The following DMD variants were observed in gnomAD, a reference collection of about 807,000 sequenced individuals.
The protein encoded by DMD is mutant dystrophin.
DMD carries 63 observed loss-of-function variants against 330.1 expected under a neutral mutation model. The observed-to-expected ratio is 0.19, with a 90% CI of 0.16 to 0.24. The LOEUF is 0.24. Among genes scored for constraint, DMD ranks in the 10% least tolerant of loss-of-function variants. DMD has a pLI of 1.00. For synonymous variants in DMD, 1,223 were observed against 959.8 expected (o/e 1.27, Z -5.07); for missense variants, 3,344 against 2,684.1 (o/e 1.25, Z -5.43).
chrX:32,050,974 C>CCTTTTTTTTTTTTT (rs2096107980), intron 44 of DMD, among the ~76,000 whole-genome samples: 1 of 78,157 alleles, frequency 1.3e-5, no homozygotes, highest in Non-Finnish European at 2.3e-5. Context: ...CTAACTTCCT[C>CCTTTTTTTTTTTTT]TTTTTTTTTT....
At chrX:31,370,729 C>A (rs1396598551) in intron 60 of DMD, among the ~76,000 whole-genome samples, 1 of 112,315 alleles carries the variant, frequency 8.9e-6, no homozygotes, top group Non-Finnish European at 1.9e-5. Flanking sequence ...AAAACCTGTA[C>A]ATTAATGTTG....
At chrX:32,993,710 G>A (rs770370726) in intron 2 of DMD, among the ~76,000 whole-genome samples, 1 of 111,056 alleles carries the variant, frequency 9.0e-6, no homozygotes, top group South Asian at 3.8e-4. Context: ...ATTTCTGCAT[G>A]TGTCTGTGTG....
intron 2 of DMD, among the ~76,000 whole-genome samples, chrX:32,867,511 A>G (rs1312261353): frequency 3.6e-5 from 4 of 112,418 alleles, no homozygotes; most frequent in Non-Finnish European, 7.5e-5. Flanking sequence ...TCAATAGGAA[A>G]AATTAGTTAT....
chrX:33,080,390 C>A (rs1191392823), intron 1 of DMD, among the ~76,000 whole-genome samples: 1 of 111,226 alleles, frequency 9.0e-6, no homozygotes, highest in Non-Finnish European at 1.9e-5. Context: ...AACCTCTGAA[C>A]TAGACAAAAT....
chrX:31,714,722 A>T (rs950604925), intron 52 of DMD, among the ~76,000 whole-genome samples: 2 of 111,938 alleles, frequency 1.8e-5, no homozygotes, highest in Non-Finnish European at 3.8e-5. Context: ...TGACGTATAT[A>T]TTTAGAATCA....
At chrX:31,341,882 T>TGCGCGCGCGC (rs764854573) in intron 61 of DMD, among the ~76,000 whole-genome samples, 9 of 82,700 alleles carry the variant, frequency 1.1e-4, no homozygotes, top group Non-Finnish European at 1.7e-4. Flanking sequence ...CGCGCGTGCG[T>TGCGCGCGCGC]GCGCGCGCGC....
chrX:32,749,749 A>G (rs767311946), intron 7 of DMD, among the ~76,000 whole-genome samples: 39 of 112,401 alleles, frequency 3.5e-4, no homozygotes, highest in Non-Finnish European at 6.8e-4. Flanking sequence ...TGAGGTAGAC[A>G]CCAAGGCAGA....
chrX:32,902,300 A>C (rs1239596999), intron 2 of DMD, among the ~76,000 whole-genome samples: 1 of 110,325 alleles, frequency 9.1e-6, no homozygotes, highest in Non-Finnish European at 1.9e-5. Context: ...AAGTGTTTCT[A>C]TAGTTCCAGC....
intron 67 of DMD, among the ~76,000 whole-genome samples, chrX:31,193,702 T>C (rs889416637): frequency 1.6e-4 from 18 of 111,928 alleles, no homozygotes; most frequent in African/African-American, 5.2e-4. Flanking sequence ...TTAACATTCT[T>C]AGTGATACCA....
intron 63 of DMD, among the ~76,000 whole-genome samples, chrX:31,232,916 CT>C (rs1412851185): frequency 8.9e-6 from 1 of 112,360 alleles, no homozygotes; most frequent in African/African-American, 3.2e-5. Context: ...CTGCTGTTTT[CT>C]GTTAACTCAT....
chrX:32,829,281 C>A (rs2148887319), intron 4 of DMD, among the ~76,000 whole-genome samples: 1 of 111,723 alleles, frequency 9.0e-6, no homozygotes, highest in Non-Finnish European at 1.9e-5. Flanking sequence ...CACTCTTCAA[C>A]AGTACACCTT....
chrX:31,266,834 G>A (rs776755115), intron 62 of DMD: 39 of 1,204,346 alleles, frequency 3.2e-5, no homozygotes, highest in Non-Finnish European at 4.0e-5. Flanking sequence ...CCTCATGGCT[G>A]CAAGGGCTCC....
rs962413386 is a variant in DMD at position 31,277,148 on chromosome X, T to C, written c.9225-16132A>G. Among the ~76,000 whole-genome samples, 4 of 111,742 alleles carry C rather than the reference T, an allele frequency of 3.6e-5. No individual in the cohort carries two copies. The South Asian group carries it at 1.5e-3, about 43-fold the overall frequency. On this transcript the variant is annotated intron_variant, in intron 62 of 78. Transcript: ENST00000357033. ...AATGGCTAAACCAAGCTAAGTAACA[T>C]ATGCATTACCTCATATACTTATCAT...
At position 31,783,727 on chromosome X, in the gene DMD, A is replaced by G. The variant is rs186826634; in HGVS notation, c.7310-9535T>C. Among the ~76,000 whole-genome samples the G allele has an allele frequency of 2.5e-3, 274 of 111,508 alleles. 1 individual carries two copies. Among genetic ancestry groups the G allele is most frequent in the African/African-American group, 8.5e-3 (263 of 30,777 alleles). ...ATATATATTTAGAGAGAGACAGAGA[A>G]GTTATATAAATTAATATAACAGAGT... is the stretch of plus-strand genomic sequence containing the variant. On this transcript the variant is annotated intron_variant, in intron 50 of 78. Coordinates refer to ENST00000357033, the MANE Select transcript of DMD (RefSeq NM_004006.3).
intron 52 of DMD, among the ~76,000 whole-genome samples, chrX:31,688,733 A>T (rs1165278641): frequency 1.8e-5 from 2 of 111,507 alleles, no homozygotes; most frequent in Non-Finnish European, 3.8e-5. Flanking sequence ...AAATACTGGC[A>T]AACCGAATCC....
chrX:32,309,636 G>A (rs1057180978), intron 42 of DMD, among the ~76,000 whole-genome samples: 3 of 110,275 alleles, frequency 2.7e-5, no homozygotes, highest in Admixed American at 9.7e-5. Context: ...TATAGCACAG[G>A]TATTGACATT....
chrX:32,273,676 C>T (rs2097374174), intron 43 of DMD, among the ~76,000 whole-genome samples: 1 of 111,233 alleles, frequency 9.0e-6, no homozygotes, highest in South Asian at 3.8e-4. Flanking sequence ...AATTGGTATG[C>T]ACCCTTTGAC....
intron 1 of DMD, among the ~76,000 whole-genome samples, chrX:33,195,574 A>G (rs1267786911): frequency 8.9e-6 from 1 of 112,109 alleles, no homozygotes; most frequent in Non-Finnish European, 1.9e-5. Flanking sequence ...AGAAAGAAAG[A>G]GAAAACAAAG....
chrX:32,566,797 C>T (rs2051771214), intron 15 of DMD, among the ~76,000 whole-genome samples: 1 of 111,436 alleles, frequency 9.0e-6, no homozygotes, highest in African/African-American at 3.3e-5. Flanking sequence ...AAATTCAATT[C>T]CTGGGTACTG....
Sources: gnomAD v4.1 joint callset for allele counts (sites outside exome capture counted in the v4.1 genomes callset) on GRCh38, gnomAD v4.1.1 for gene constraint, MANE v1.5 for transcripts, NCBI Gene and HGNC (gene_info 2026-07-23, HGNC 2026-07-21) for gene names.